The following LEMD3 variants were observed in gnomAD, a reference collection of about 807,000 sequenced individuals.
The protein encoded by LEMD3 is inner nuclear membrane protein Man1.
A neutral mutation model predicts 95.2 loss-of-function variants in LEMD3; 33 were observed. That is an observed-to-expected ratio of 0.35 (90% confidence interval 0.26 to 0.46). The LOEUF (loss-of-function observed/expected upper bound fraction) is 0.46, where lower values mean the gene tolerates loss of function less well. Ranked by LOEUF, LEMD3 falls within the 20% of genes least tolerant of loss-of-function variation. LEMD3 has a pLI of 1.00. For missense variants in LEMD3, 1,210 were observed against 1,192.8 expected, an observed-to-expected ratio of 1.01 and a Z score of -0.21; for synonymous variants, 525 against 474.6, an observed-to-expected ratio of 1.11 and a Z score of -1.38.
intron 1 of LEMD3, among the ~76,000 whole-genome samples, chr12:65,175,697 T>G (rs1369990030): frequency 6.6e-6 from 1 of 152,232 alleles, no homozygotes; most frequent in African/African-American, 2.4e-5. Flanking sequence ...CACATTTCTC[T>G]AGGAAGTTTC....
intron 4 of LEMD3, among the ~76,000 whole-genome samples, chr12:65,230,465 T>C (rs1237163894): frequency 1.3e-5 from 2 of 152,134 alleles, no homozygotes; most frequent in African/African-American, 4.8e-5. Flanking sequence ...TTTAGATATC[T>C]TTTACCTTCT....
chr12:65,211,914 A>C lies in LEMD3; in HGVS notation c.1560+951A>C, dbSNP rs529365178. Among the ~76,000 whole-genome samples, 5 of 152,354 alleles carry C rather than the reference A, an allele frequency of 3.3e-5. No individual in the cohort carries two copies. The East Asian group carries it at 7.7e-4, about 23-fold the overall frequency. ...AATAATAGTAACAATTATAATGAAGATAGTGGCTGTTTACTTATATTAAAT... is the reference window on the plus strand; with the variant it reads ...AATAATAGTAACAATTATAATGAAGCTAGTGGCTGTTTACTTATATTAAAT... On this transcript the variant is annotated intron_variant, in intron 2 of 12. Transcript: ENST00000308330.
chr12:65,234,007 A>C (rs2136351027), intron 4 of LEMD3, among the ~76,000 whole-genome samples: 1 of 152,332 alleles, frequency 6.6e-6, no homozygotes, highest in African/African-American at 2.4e-5. Context: ...CTTGCCTATA[A>C]GTAAATAGTA....
At chr12:65,197,982 T>C (rs1386992245) in intron 1 of LEMD3, among the ~76,000 whole-genome samples, 1 of 152,184 alleles carries the variant, frequency 6.6e-6, no homozygotes, top group Non-Finnish European at 1.5e-5. Context: ...TAATTTTGAA[T>C]GTTACAAAGT....
intron 1 of LEMD3, among the ~76,000 whole-genome samples, chr12:65,201,131 G>T: frequency 6.6e-6 from 1 of 151,988 alleles, no homozygotes; most frequent in African/African-American, 2.4e-5. Context: ...CTATTTCTGG[G>T]CTCTCTGTTC....
rs142537810 is a variant in LEMD3, at chr12:65,222,304, T to C, written c.1695+3685T>C. Among the ~76,000 whole-genome samples the C allele has an allele frequency of 3.6e-3, 548 of 152,312 alleles. 4 individuals are homozygous for C. The highest frequency in any genetic ancestry group is 0.013 in the African/African-American group (532 of 41,554). ...TCTTTGTGTCTGAGGTATATGATCCTGGTGTGTGATCCTTTTCATGTGCTT... is the reference window on the plus strand; with the variant it reads ...TCTTTGTGTCTGAGGTATATGATCCCGGTGTGTGATCCTTTTCATGTGCTT... On this transcript the variant is annotated intron_variant, in intron 4 of 12. Coordinates refer to ENST00000308330, the MANE Select transcript of LEMD3 (RefSeq NM_014319.5).
intron 10 of LEMD3, chr12:65,245,223 C>T: frequency 6.0e-6 from 1 of 167,528 alleles, no homozygotes; most frequent in Admixed American, 5.8e-5. Flanking sequence ...CTCTGCCTCC[C>T]AGGTTCACGC....
rs1870917581 is a variant in LEMD3 at position 65,240,967 on chromosome 12, A to G, written c.2185A>G (p.Arg729Gly). The G allele has an allele frequency of 6.2e-7, 1 of 1,614,038 alleles. No homozygotes were observed. The highest frequency in any genetic ancestry group is 1.1e-5 in the South Asian group (1 of 91,084). Residue 729 changes from arginine to glycine, a missense_variant, in exon 9 of 13, where the codon AGA becomes GGA. Physicochemically the swap from Arg to Gly is moderately radical, Grantham distance 125. Coordinates refer to ENST00000308330, the MANE Select transcript of LEMD3 (RefSeq NM_014319.5). ...TGACTTCCTTGCTGCTAATGAGTCT[A>G]GAGTTCGCACGGAAACACGAAGAAT... The part of the protein sequence containing the change: ...AVDFLAANES[R>G]VRTETRRIGG...
At chr12:65,205,020 A>G (rs1304888270) in intron 1 of LEMD3, among the ~76,000 whole-genome samples, 1 of 152,156 alleles carries the variant, frequency 6.6e-6, no homozygotes, top group East Asian at 1.9e-4. Flanking sequence ...CTGCAAGGCT[A>G]GGAAGGCCTC....
chr12:65,225,145 C>G (rs1409139109), intron 4 of LEMD3, among the ~76,000 whole-genome samples: 1 of 152,056 alleles, frequency 6.6e-6, no homozygotes, highest in African/African-American at 2.4e-5. Context: ...TTTTCCTGAT[C>G]TTGTTGAGTA....
intron 2 of LEMD3, 32 bp from the exon 3 acceptor site, chr12:65,215,945 G>A: frequency 1.3e-6 from 1 of 753,550 alleles, no homozygotes; most frequent in South Asian, 2.2e-5. Flanking sequence ...TCTTGTAATT[G>A]GGTATTTCAT....
intron 4 of LEMD3, among the ~76,000 whole-genome samples, chr12:65,225,946 A>G (rs1409606372): frequency 6.6e-6 from 1 of 152,154 alleles, no homozygotes; most frequent in African/African-American, 2.4e-5. Flanking sequence ...CGCATTTTGA[A>G]TCAGGTGAGG....
intron 1 of LEMD3, among the ~76,000 whole-genome samples, chr12:65,198,949 C>G (rs1385910901): frequency 6.6e-6 from 1 of 152,040 alleles, no homozygotes; most frequent in Non-Finnish European, 1.5e-5. Flanking sequence ...TGGTAAACTA[C>G]AGGGGTGTCT....
chr12:65,248,332 ATG>A lies in LEMD3; in HGVS notation c.*2011_*2012del, dbSNP rs1368400473. The A allele has an allele frequency of 6.6e-6, 1 of 151,886 alleles. No homozygotes were observed. Among genetic ancestry groups the A allele is most frequent in the Non-Finnish European group, 1.5e-5 (1 of 67,922 alleles). 9.4% of individuals were successfully genotyped at this position (151,886 alleles called of 1,614,324 possible). A position where few individuals can be genotyped will look rare whatever the true frequency, so the allele number is the denominator to read the frequency against. ...ATTAAAAATTTATTAGTTTTTTTTT[ATG>A]TGTCTTGGCTTTTTAAAAACATTTT... is the stretch of plus-strand genomic sequence containing the variant. On this transcript the variant is annotated 3_prime_UTR_variant, in exon 13 of 13. Transcript: ENST00000308330.
At chr12:65,192,437 A>G (rs1487835275) in intron 1 of LEMD3, among the ~76,000 whole-genome samples, 1 of 152,078 alleles carries the variant, frequency 6.6e-6, no homozygotes, top group African/African-American at 2.4e-5. Flanking sequence ...GTTTTGCCCT[A>G]TACCCGTCTT....
intron 1 of LEMD3, among the ~76,000 whole-genome samples, chr12:65,188,344 A>G (rs146121630): frequency 3.7e-4 from 56 of 152,266 alleles, no homozygotes; most frequent in African/African-American, 1.3e-3. Context: ...AGAATAAATT[A>G]AACAGTTTAT....
chr12:65,239,859 A>G (rs2136354536), intron 6 of LEMD3, 70 bp from the exon 7 acceptor site: 3 of 1,037,924 alleles, frequency 2.9e-6, no homozygotes, highest in Middle Eastern at 2.9e-4. Context: ...GGCAGTTAAA[A>G]TAATCACTGA....
At chr12:65,214,848 C>T (rs781517440) in intron 2 of LEMD3, among the ~76,000 whole-genome samples, 3 of 152,036 alleles carry the variant, frequency 2.0e-5, no homozygotes, top group Non-Finnish European at 1.5e-5. Context: ...TCATTTATGT[C>T]GATCCCTCCT....
In LEMD3 at chr12:65,169,645, C is replaced by G. The variant is rs1417326478; in HGVS notation, c.49C>G (p.Leu17Val). ...GCCTCAGCAGCTCTCGGATGAGGAGCTTTTCTCTCAGCTCCGCCGTTACGG... is the reference window on the plus strand; with the variant it reads ...GCCTCAGCAGCTCTCGGATGAGGAGGTTTTCTCTCAGCTCCGCCGTTACGG... The part of the protein sequence containing the change: ...SAPQQLSDEE[L>V]FSQLRRYGLS... The change falls in exon 1 of 13, where the codon CTT (leucine) becomes GTT (valine). Residue 17 changes from leucine to valine, a missense_variant. Coordinates refer to ENST00000308330, the MANE Select transcript of LEMD3 (RefSeq NM_014319.5). 6.3e-7 allele frequency: 1 copy of G among 1,587,750 alleles called. No homozygotes were observed. The highest frequency in any genetic ancestry group is 1.1e-5 in the South Asian group (1 of 87,560).
Sources: gnomAD v4.1 joint callset for allele counts (sites outside exome capture counted in the v4.1 genomes callset) on GRCh38, gnomAD v4.1.1 for gene constraint, MANE v1.5 for transcripts, NCBI Gene and HGNC (gene_info 2026-07-23, HGNC 2026-07-21) for gene names.